Variants in SPATA16 observed in about 807,000 individuals in gnomAD.
SPATA16 encodes the protein spermatogenesis associated 16.
SPATA16 carries 36 observed loss-of-function variants against 63.3 expected under a neutral mutation model. The ratio of observed to expected loss-of-function variants is 0.57; its 90% CI spans 0.44 to 0.75. The LOEUF is 0.75. Among genes scored for constraint, SPATA16 ranks in the 30% least tolerant of loss-of-function variants. The pLI is 0.00. For synonymous variants in SPATA16, 203 were observed against 216.7 expected (o/e 0.94, Z 0.56); for missense variants, 646 against 679.3 (o/e 0.95, Z 0.54).
chr3:172,935,118 C>T (rs1220193108), intron 6 of SPATA16, among the ~76,000 whole-genome samples: 1 of 152,108 alleles, frequency 6.6e-6, no homozygotes, highest in Non-Finnish European at 1.5e-5. Context: ...TTAGTATAGA[C>T]AAGAGTTCAC....
chr3:173,082,512 C>CAGGG (rs1736948148), intron 2 of SPATA16, among the ~76,000 whole-genome samples: 4 of 152,194 alleles, frequency 2.6e-5, no homozygotes, highest in Admixed American at 2.6e-4. Context: ...TGTTCACTAT[C>CAGGG]TCCCCTAAAT....
intron 8 of SPATA16, among the ~76,000 whole-genome samples, chr3:172,916,854 A>C (rs1378166472): frequency 6.6e-6 from 1 of 152,200 alleles, no homozygotes; most frequent in Non-Finnish European, 1.5e-5. Flanking sequence ...AAGCATCATA[A>C]AAGGTAAGAG....
At chr3:173,078,342 A>G (rs1376173349) in intron 2 of SPATA16, among the ~76,000 whole-genome samples, 3 of 152,130 alleles carry the variant, frequency 2.0e-5, no homozygotes, top group African/African-American at 7.2e-5. Flanking sequence ...GGAAATTTCT[A>G]CATCTCTCTA....
At chr3:173,122,575 A>G (rs2108341274) in intron 1 of SPATA16, among the ~76,000 whole-genome samples, 1 of 152,300 alleles carries the variant, frequency 6.6e-6, no homozygotes, top group African/African-American at 2.4e-5. Context: ...TATGAGAAAA[A>G]AACACCTTGC....
chr3:173,067,091 T>C (rs1458135053), intron 2 of SPATA16, among the ~76,000 whole-genome samples: 2 of 151,906 alleles, frequency 1.3e-5, no homozygotes, highest in Non-Finnish European at 2.9e-5. Context: ...AGCTCAAAGG[T>C]AGTCTATATT....
intron 4 of SPATA16, among the ~76,000 whole-genome samples, chr3:172,980,135 G>T (rs1490087426): frequency 6.6e-6 from 1 of 152,214 alleles, no homozygotes; most frequent in Non-Finnish European, 1.5e-5. Flanking sequence ...TATGAAAAGT[G>T]CATGGAAATA....
intron 4 of SPATA16, among the ~76,000 whole-genome samples, chr3:172,988,062 G>A (rs1437782570): frequency 2.0e-5 from 3 of 152,280 alleles, no homozygotes; most frequent in African/African-American, 7.2e-5. Context: ...CCTGAGACCT[G>A]TAGGCAAAGA....
At chr3:172,960,209 A>C (rs1733716932) in intron 5 of SPATA16, among the ~76,000 whole-genome samples, 1 of 152,248 alleles carries the variant, frequency 6.6e-6, no homozygotes, top group Admixed American at 6.5e-5. Context: ...AAATGGAAGC[A>C]GATTTCAAAT....
At chr3:173,119,177 G>A (rs1737990998) in intron 1 of SPATA16, among the ~76,000 whole-genome samples, 1 of 152,116 alleles carries the variant, frequency 6.6e-6, no homozygotes, top group South Asian at 2.1e-4. Flanking sequence ...GAAAGGGGAG[G>A]GAGAGCATTA....
At chr3:173,029,699 A>G (rs1735556695) in intron 3 of SPATA16, among the ~76,000 whole-genome samples, 1 of 152,026 alleles carries the variant, frequency 6.6e-6, no homozygotes. Context: ...GATAGTCTGG[A>G]GCAAAGACCA....
At chr3:173,070,005 G>T (rs897065862) in intron 2 of SPATA16, among the ~76,000 whole-genome samples, 1 of 150,422 alleles carries the variant, frequency 6.6e-6, no homozygotes, top group Non-Finnish European at 1.5e-5. Context: ...CTTGATAAAA[G>T]CCATTTATAT....
intron 10 of SPATA16, among the ~76,000 whole-genome samples, chr3:172,891,164 A>G (rs1424309682): frequency 2.6e-5 from 4 of 152,144 alleles, no homozygotes; most frequent in Admixed American, 1.3e-4. Flanking sequence ...TATCATTTAA[A>G]TCAAAGTTCT....
intron 1 of SPATA16, among the ~76,000 whole-genome samples, chr3:173,135,650 A>C (rs1422139931): frequency 6.6e-6 from 1 of 152,218 alleles, no homozygotes; most frequent in Non-Finnish European, 1.5e-5. Flanking sequence ...GAAGAATCTC[A>C]CAAATAAAAC....
At chr3:172,928,457 G>C (rs906748183) in intron 6 of SPATA16, among the ~76,000 whole-genome samples, 1 of 152,200 alleles carries the variant, frequency 6.6e-6, no homozygotes, top group Non-Finnish European at 1.5e-5. Context: ...TAACTGGATT[G>C]TATGAAAAGG....
At chr3:172,910,473 T>C (rs1732345979) in intron 10 of SPATA16, among the ~76,000 whole-genome samples, 1 of 152,132 alleles carries the variant, frequency 6.6e-6, no homozygotes, top group African/African-American at 2.4e-5. Flanking sequence ...ACTACTTAAC[T>C]CAGTCAAGTT....
At chr3:173,113,769 C>T (rs932038526) in intron 2 of SPATA16, among the ~76,000 whole-genome samples, 14 of 152,280 alleles carry the variant, frequency 9.2e-5, no homozygotes, top group South Asian at 4.1e-4. Flanking sequence ...TTAAATGCCT[C>T]CAGGGCCTTT....
rs578234756 is a variant in SPATA16 at position 173,137,446 on chromosome 3, A to G, written c.-19+3657T>C. Among the ~76,000 whole-genome samples the G allele has an allele frequency of 3.6e-4, 55 of 152,324 alleles. 1 individual carries two copies. In the South Asian group the frequency reaches 0.01, roughly 29 times the overall value. On this transcript the variant is annotated intron_variant, in intron 1 of 10. Transcript: ENST00000351008. ...ATGACCACGATGTTAGACAAATTCT[A>G]TAACAACAGAGTCACAGAAAGGTCC... is the stretch of plus-strand genomic sequence containing the variant.
intron 1 of SPATA16, among the ~76,000 whole-genome samples, chr3:173,124,323 G>A (rs1484876542): frequency 6.6e-6 from 1 of 152,162 alleles, no homozygotes; most frequent in Non-Finnish European, 1.5e-5. Flanking sequence ...CTGGAAATTG[G>A]GAATGATCGG....
At chr3:173,119,404 C>G (rs1737996962) in intron 1 of SPATA16, among the ~76,000 whole-genome samples, 1 of 152,180 alleles carries the variant, frequency 6.6e-6, no homozygotes, top group African/African-American at 2.4e-5. Context: ...TCCTATGGCT[C>G]TAACCTTTGA....
Sources: gnomAD v4.1 joint callset for allele counts (sites outside exome capture counted in the v4.1 genomes callset) on GRCh38, gnomAD v4.1.1 for gene constraint, MANE v1.5 for transcripts, NCBI Gene and HGNC (gene_info 2026-07-23, HGNC 2026-07-21) for gene names.